The following PRIM2 variants were observed in gnomAD, a reference collection of about 807,000 sequenced individuals.
PRIM2 encodes DNA primase large subunit.
Under a neutral mutation model 67.3 loss-of-function variants are expected in PRIM2, and 39 were observed. That is an observed-to-expected ratio of 0.58 (90% CI 0.45 to 0.76). The LOEUF is 0.76. Among genes scored for constraint, PRIM2 ranks in the 30% least tolerant of loss-of-function variants. The probability of loss-of-function intolerance (pLI) is 0.00; values close to 1 mark genes in which losing one functional copy is unlikely to be tolerated. For synonymous variants in PRIM2, 143 were observed against 198.7 expected (o/e 0.72, Z 2.36); for missense variants, 398 against 598.7 (o/e 0.66, Z 3.50).
chr6:57,345,447 G>A (rs1768639994), intron 5 of PRIM2, among the ~76,000 whole-genome samples: 2 of 150,042 alleles, frequency 1.3e-5, no homozygotes, highest in African/African-American at 2.5e-5. Flanking sequence ...GTCTACAGGC[G>A]TGAGCCACCA....
intron 3 of PRIM2, among the ~76,000 whole-genome samples, chr6:57,321,717 A>G (rs1741910): frequency 6.6e-6 from 1 of 152,170 alleles, no homozygotes; most frequent in African/African-American, 2.4e-5. Flanking sequence ...TATGTTTGCT[A>G]TGTACCAGAT....
intron 7 of PRIM2, among the ~76,000 whole-genome samples, chr6:57,396,533 ATG>A (rs952319551): frequency 4.6e-5 from 7 of 152,172 alleles, no homozygotes; most frequent in Non-Finnish European, 1.0e-4. Flanking sequence ...CTTTAAGTTT[ATG>A]TGAGTCCTTA....
the PRIM2 span, among the ~76,000 whole-genome samples, chr6:57,289,295 T>C: frequency 6.6e-6 from 1 of 152,044 alleles, no homozygotes; most frequent in Non-Finnish European, 1.5e-5. Flanking sequence ...CCAAGAAATA[T>C]GGGGCTATGT....
intron 8 of PRIM2, among the ~76,000 whole-genome samples, chr6:57,529,890 G>C (rs1774849851): frequency 6.6e-6 from 1 of 152,146 alleles, no homozygotes; most frequent in Non-Finnish European, 1.5e-5. Flanking sequence ...AAGGTCCAGA[G>C]GGTGTACCTG....
intron 12 of PRIM2, among the ~76,000 whole-genome samples, chr6:57,607,654 T>C (rs1247347947): frequency 3.3e-4 from 50 of 152,278 alleles, no homozygotes; most frequent in African/African-American, 1.1e-3. Context: ...TTTGAGTGAC[T>C]TAATTTTAGT....
At chr6:57,433,840 T>C (rs898598560) in intron 7 of PRIM2, among the ~76,000 whole-genome samples, 12 of 152,176 alleles carry the variant, frequency 7.9e-5, no homozygotes, top group Non-Finnish European at 1.0e-4. Flanking sequence ...GAGGCCATTA[T>C]GTGGCATATC....
At chr6:57,521,446 G>A (rs1198964110) in intron 8 of PRIM2, among the ~76,000 whole-genome samples, 153 of 135,042 alleles carry the variant, frequency 1.1e-3, no homozygotes, top group Non-Finnish European at 1.6e-3. Flanking sequence ...TATGGGTAAT[G>A]TACAGAAACA....
intron 7 of PRIM2, among the ~76,000 whole-genome samples, chr6:57,401,786 CTCTG>C (rs1770717125): frequency 6.6e-6 from 1 of 152,214 alleles, no homozygotes; most frequent in African/African-American, 2.4e-5. Flanking sequence ...GCCAGGGGTT[CTCTG>C]TCTGGTGATG....
chr6:57,487,336 TCTC>T (rs1186909663), intron 7 of PRIM2, among the ~76,000 whole-genome samples: 4 of 152,136 alleles, frequency 2.6e-5, no homozygotes, highest in African/African-American at 9.7e-5. Flanking sequence ...TTCAAGCTAT[TCTC>T]CTGCTCAGGC....
At chr6:57,359,512 C>T (rs1195536613) in intron 5 of PRIM2, among the ~76,000 whole-genome samples, 2 of 152,178 alleles carry the variant, frequency 1.3e-5, no homozygotes, top group African/African-American at 4.8e-5. Flanking sequence ...TTTCTGAATA[C>T]CTGACCATCA....
At chr6:57,369,629 T>A (rs2127322044) in intron 5 of PRIM2, among the ~76,000 whole-genome samples, 1 of 152,318 alleles carries the variant, frequency 6.6e-6, no homozygotes, top group Non-Finnish European at 1.5e-5. Context: ...GTAATGTAAG[T>A]CACTCAAAAA....
At position 57,353,361 on chromosome 6, in the gene PRIM2, G is replaced by A. The variant is rs531044950; in HGVS notation, c.460-26540G>A. On this transcript the variant is annotated intron_variant, in intron 5 of 13. Coordinates refer to ENST00000615550, the MANE Select transcript of PRIM2 (RefSeq NM_000947.5). ...GTAGAGGTTGTTCAGGGATGTAATA[G>A]GATCTGCATACAAATAGATTGCAAT... 1.8e-4 allele frequency among the ~76,000 whole-genome samples: 27 copies of A among 152,228 alleles called. 2 individuals carry two copies. In the East Asian group the frequency reaches 4.6e-3, roughly 26 times the overall value.
chr6:57,264,594 CTTTTTT>C, the PRIM2 span, among the ~76,000 whole-genome samples: 147 of 107,006 alleles, frequency 1.4e-3, 1 homozygote, highest in African/African-American at 5.5e-3. Context: ...AAGTCAAACG[CTTTTTT>C]TTTTTTTTTT....
intron 5 of PRIM2, among the ~76,000 whole-genome samples, chr6:57,339,013 G>C (rs978418440): frequency 1.3e-5 from 2 of 152,058 alleles, no homozygotes; most frequent in Admixed American, 1.3e-4. Context: ...AAAGTCTCAG[G>C]ATACAAAATC....
chr6:57,642,536 G>T (rs1777261417), intron 13 of PRIM2, among the ~76,000 whole-genome samples: 3 of 134,668 alleles, frequency 2.2e-5, no homozygotes, highest in Admixed American at 8.9e-5. Flanking sequence ...TCCGCCTCCC[G>T]GGTTCACGCC....
chr6:57,301,224 A>G, the PRIM2 span, among the ~76,000 whole-genome samples: 4 of 152,188 alleles, frequency 2.6e-5, no homozygotes, highest in Non-Finnish European at 5.9e-5. Flanking sequence ...GTGGTGGGTT[A>G]TGCCTGTTAT....
chr6:57,461,817 AG>A (rs1773015627), intron 7 of PRIM2, among the ~76,000 whole-genome samples: 1 of 152,228 alleles, frequency 6.6e-6, no homozygotes, highest in Admixed American at 6.5e-5. Context: ...CTAGAAAATA[AG>A]AAATGATCAC....
chr6:57,639,019 T>C (rs1252605572), intron 13 of PRIM2, among the ~76,000 whole-genome samples: 1 of 152,140 alleles, frequency 6.6e-6, no homozygotes, highest in African/African-American at 2.4e-5. Context: ...AAAACACTCC[T>C]CAGCATATGC....
At chr6:57,474,350 T>A (rs1165459043) in intron 7 of PRIM2, among the ~76,000 whole-genome samples, 1 of 151,540 alleles carries the variant, frequency 6.6e-6, no homozygotes, top group East Asian at 1.9e-4. Context: ...AATTTTTTGT[T>A]TTTTTAGTAG....
Sources: gnomAD v4.1 joint callset for allele counts (sites outside exome capture counted in the v4.1 genomes callset) on GRCh38, gnomAD v4.1.1 for gene constraint, MANE v1.5 for transcripts, NCBI Gene and HGNC (gene_info 2026-07-23, HGNC 2026-07-21) for gene names.